The following RBBP6 variants were observed in gnomAD, a reference collection of about 807,000 sequenced individuals.
RBBP6 encodes E3 ubiquitin-protein ligase RBBP6.
RBBP6 carries 25 observed loss-of-function variants against 167.7 expected under a neutral mutation model. The ratio of observed to expected loss-of-function variants is 0.15; its 90% confidence interval spans 0.11 to 0.21. The LOEUF is 0.21. Ranked by LOEUF, RBBP6 falls within the 10% of genes least tolerant of loss-of-function variation. The pLI, the probability that RBBP6 is intolerant of heterozygous loss-of-function variation, is 1.00. For synonymous variants in RBBP6, 789 were observed against 735.8 expected (o/e 1.07, Z -1.17); for missense variants, 1,868 against 2,134.2 (o/e 0.88, Z 2.46).
At position 24,540,755 on chromosome 16, in the gene RBBP6, C is replaced by T. The variant is rs766527867; in HGVS notation, c.129C>T (p.Asp43=). Residue 43 remains aspartate, a synonymous_variant, in exon 1 of 18, where the codon GAC becomes GAT. Coordinates refer to ENST00000319715, the MANE Select transcript of RBBP6 (RefSeq NM_006910.5). ...GGAGAGAGAAGCTGAAAGCTGCCGA[C>T]TGCGACCTGCAGATCACCAATGCGC... ...IMGREKLKAA[D]CDLQITNAQT... is the part of the protein sequence containing the mutation. 3.1e-6 allele frequency: 5 copies of T among 1,613,886 alleles called. No homozygotes were observed. In the East Asian group the frequency reaches 8.9e-5, roughly 29 times the overall value.
At chr16:24,551,918 G>A (rs1171342296) in intron 3 of RBBP6, among the ~76,000 whole-genome samples, 8 of 151,692 alleles carry the variant, frequency 5.3e-5, no homozygotes, top group African/African-American at 1.9e-4. Flanking sequence ...AATAGATTGA[G>A]TAGGTCAGAA....
intron 7 of RBBP6, among the ~76,000 whole-genome samples, chr16:24,559,037 C>T (rs1471456291): frequency 1.3e-5 from 2 of 152,136 alleles, no homozygotes; most frequent in African/African-American, 4.8e-5. Flanking sequence ...CCAATACCTT[C>T]ACAGGTTTGA....
chr16:24,562,306 AT>A (rs1022781644), intron 10 of RBBP6, 145 bp downstream of exon 10: 1 of 795,050 alleles, frequency 1.3e-6, no homozygotes, highest in Non-Finnish European at 2.0e-6. Flanking sequence ...ACTTAGTCTT[AT>A]TGGGGGAAGA....
rs1195476391 is a variant in RBBP6, at chr16:24,571,708, A to G, written c.4642A>G (p.Thr1548Ala). Residue 1548 changes from threonine to alanine, a missense_variant, in exon 18 of 18, where the codon ACT (threonine) becomes GCT (alanine). Physicochemically the swap from Thr to Ala is moderately conservative, Grantham distance 58 (BLOSUM62 0). Transcript: ENST00000319715. The stretch of plus-strand genomic sequence containing the variant: ...CAGAAAACCTCATGATCACAAAGCC[A>G]CTTATGATACTAAACGGCCAAATGA... ...RDRKPHDHKA[T>A]YDTKRPNEET... is the part of the protein sequence containing the mutation. The G allele has an allele frequency of 6.2e-7, 1 of 1,614,180 alleles. No individual in the cohort carries two copies. The highest frequency in any genetic ancestry group is 1.7e-5 in the Admixed American group (1 of 60,032).
Position 24,571,659 on chromosome 16 carries a change from A to G in RBBP6, c.4593A>G (p.Lys1531=). Reference sequence around the variant, plus strand: ...AAAAAGGAACAGGAGATTCCAAAAAAAGTAATTCTAGTCCCTCAAGAGACA... The same window carrying G: ...AAAAAGGAACAGGAGATTCCAAAAAGAGTAATTCTAGTCCCTCAAGAGACA... ...LPKKGTGDSK[K]SNSSPSRDRK... Residue 1531 remains lysine, a synonymous_variant, in exon 18 of 18, where the codon AAA becomes AAG. Transcript: ENST00000319715. The G allele has an allele frequency of 6.2e-7, 1 of 1,613,608 alleles. No individual in the cohort carries two copies. Among genetic ancestry groups the G allele is most frequent in the Non-Finnish European group, 8.5e-7 (1 of 1,179,922 alleles).
intron 7 of RBBP6, chr16:24,558,378 T>G: frequency 2.7e-6 from 2 of 734,480 alleles, no homozygotes; most frequent in Non-Finnish European, 1.7e-6. Flanking sequence ...GTTCTCCTCT[T>G]TTTTTCTTTT....
chr16:24,544,866 C>T (rs1898599241), intron 1 of RBBP6, among the ~76,000 whole-genome samples: 2 of 152,294 alleles, frequency 1.3e-5, no homozygotes, highest in East Asian at 1.9e-4. Context: ...AGGGATTCCT[C>T]TGGCCTGATT....
chr16:24,566,133 T>A (rs953658384), intron 14 of RBBP6, among the ~76,000 whole-genome samples: 2 of 152,204 alleles, frequency 1.3e-5, no homozygotes, highest in African/African-American at 4.8e-5. Flanking sequence ...TACTATGTCA[T>A]TACTGGATCA....
chr16:24,569,409 G>T lies in RBBP6; in HGVS notation c.2719G>T (p.Gly907Cys), dbSNP rs762098320. The change falls in exon 17 of 18, where the codon GGT (glycine) becomes TGT (cysteine). Residue 907 changes from glycine (G) to cysteine (C), a missense_variant. By Grantham distance (159) the Gly-to-Cys change is radical. Around this residue, in one of 7 missense-constraint regions of RBBP6, gnomAD observed 673 missense variants for 691.5 expected, o/e 0.97. Coordinates refer to ENST00000319715, the MANE Select transcript of RBBP6 (RefSeq NM_006910.5). ...NYPEKLSARD[G>C]HNQKDNTKSK... is the part of the protein sequence containing the mutation. ...TCCAGAAAAGCTTTCAGCAAGAGAT[G>T]GTCACAATCAGAAGGATAATACAAA... The T allele has an allele frequency of 6.2e-6, 10 of 1,613,942 alleles. No individual in the cohort carries two copies. Among genetic ancestry groups the T allele is most frequent in the Middle Eastern group, 1.7e-4 (1 of 6,060 alleles).
Position 24,555,641 on chromosome 16 carries a change from T to A in RBBP6, c.375T>A (p.Ala125=), listed in dbSNP as rs1202798776. The part of the protein sequence containing the change: ...TKTANLAEAN[A]SEEDKIKAMM... ...CTGCCAATCTGGCTGAAGCCAATGC[T>A]TCTGAAGAAGATAAAATTAAAGCAA... Residue 125 remains alanine (A), a synonymous_variant, in exon 5 of 18, where the codon GCT becomes GCA. Coordinates refer to ENST00000319715, the MANE Select transcript of RBBP6 (RefSeq NM_006910.5). 6.2e-7 allele frequency: 1 copy of A among 1,613,120 alleles called. No homozygotes were observed. The highest frequency in any genetic ancestry group is 1.7e-5 in the Admixed American group (1 of 59,872).
In RBBP6 at chr16:24,571,068, A is replaced by G. The variant is rs767476538; in HGVS notation, c.4002A>G (p.Lys1334=). ...DDFESEEEDV[K]STQPISSVGK... ...TTGAATCTGAAGAAGAAGATGTTAAATCCACACAGCCTATATCAAGTGTAG... is the reference window on the plus strand; with the variant it reads ...TTGAATCTGAAGAAGAAGATGTTAAGTCCACACAGCCTATATCAAGTGTAG... The change falls in exon 18 of 18, where the codon AAA becomes AAG. Residue 1334 remains lysine, a synonymous_variant. Transcript: ENST00000319715. The G allele has an allele frequency of 1.7e-5, 27 of 1,611,628 alleles. No homozygotes were observed. Among genetic ancestry groups the G allele is most frequent in the Middle Eastern group, 3.3e-4 (2 of 6,080 alleles).
At chr16:24,562,417 C>T (rs1899086697) in intron 10 of RBBP6, among the ~76,000 whole-genome samples, 1 of 152,162 alleles carries the variant, frequency 6.6e-6, no homozygotes, top group Admixed American at 6.5e-5. Flanking sequence ...TTGAATGTTC[C>T]ATATACCATA....
chr16:24,543,569 G>A (rs1008122534), intron 1 of RBBP6, among the ~76,000 whole-genome samples: 2 of 152,044 alleles, frequency 1.3e-5, no homozygotes, highest in Non-Finnish European at 2.9e-5. Context: ...ATCCCAAAGT[G>A]CTGGGATTAT....
rs1464860777 is a variant in RBBP6 at position 24,570,438 on chromosome 16, A to G, written c.3748A>G (p.Lys1250Glu). ...AGTTAAACAAGAAAAAGTCAAAGGA[A>G]AGGTCAGACGAAAAGTGACTGGAAC... is the stretch of plus-strand genomic sequence containing the variant. ...SKVKQEKVKGKVRRKVTGTEG... is the reference protein window; with the variant it reads ...SKVKQEKVKGEVRRKVTGTEG... The change falls in exon 17 of 18, where the codon AAG (lysine) becomes GAG (glutamate). Residue 1250 changes from lysine (K) to glutamate (E), a missense_variant. Physicochemically the swap from Lys to Glu is moderately conservative, Grantham distance 56. Around this residue, in one of 7 missense-constraint regions of RBBP6, gnomAD observed 673 missense variants for 691.5 expected, o/e 0.97. Coordinates refer to ENST00000319715, the MANE Select transcript of RBBP6 (RefSeq NM_006910.5). 1 of 1,607,186 alleles carries G rather than the reference A, an allele frequency of 6.2e-7. No homozygotes were observed. The highest frequency in any genetic ancestry group is 2.2e-5 in the East Asian group (1 of 44,848).
chr16:24,557,394 T>C (rs1192201308), intron 7 of RBBP6, among the ~76,000 whole-genome samples: 2 of 152,204 alleles, frequency 1.3e-5, no homozygotes, highest in Non-Finnish European at 1.5e-5. Flanking sequence ...CCTCCCATTT[T>C]ATCTGCTTTT....
At chr16:24,547,316 C>T (rs1898682077) in intron 2 of RBBP6, among the ~76,000 whole-genome samples, 1 of 152,120 alleles carries the variant, frequency 6.6e-6, no homozygotes, top group Admixed American at 6.5e-5. Context: ...TCCTTTTGTG[C>T]AGTATCTTCC....
intron 7 of RBBP6, among the ~76,000 whole-genome samples, chr16:24,557,599 G>A (rs899764155): frequency 7.2e-5 from 11 of 151,852 alleles, no homozygotes; most frequent in South Asian, 6.3e-4. Context: ...TGGTTGCTCC[G>A]CCCCCAATTT....
Position 24,555,877 on chromosome 16 carries a change from G to T in RBBP6, c.494G>T (p.Gly165Val). 6.2e-7 allele frequency: 1 copy of T among 1,610,554 alleles called. No individual in the cohort carries two copies. Among genetic ancestry groups the T allele is most frequent in the Non-Finnish European group, 8.5e-7 (1 of 1,176,798 alleles). ...PPPSYTCFRCGKPGHYIKNCP... is the reference protein window; with the variant it reads ...PPPSYTCFRCVKPGHYIKNCP... ...CCATCTTACACGTGTTTCCGTTGTG[G>T]TAAACCTGGACATTATATTAAGAAT... Residue 165 changes from glycine to valine, a missense_variant, in exon 6 of 18, where the codon GGT (glycine) becomes GTT (valine). Coordinates refer to ENST00000319715, the MANE Select transcript of RBBP6 (RefSeq NM_006910.5).
intron 1 of RBBP6, among the ~76,000 whole-genome samples, chr16:24,545,283 A>C (rs1023371535): frequency 3.9e-5 from 6 of 152,148 alleles, no homozygotes; most frequent in African/African-American, 1.4e-4. Flanking sequence ...CGTGTTAGCC[A>C]GGATGGTCTT....
Sources: gnomAD v4.1 joint callset for allele counts (sites outside exome capture counted in the v4.1 genomes callset) on GRCh38, gnomAD v4.1.1 for gene constraint, gnomAD v4.1.1 regional missense constraint, MANE v1.5 for transcripts, NCBI Gene and HGNC (gene_info 2026-07-23, HGNC 2026-07-21) for gene names.